Variants in CRYL1 observed in about 807,000 individuals in gnomAD.
CRYL1 encodes the protein crystallin lambda 1.
A neutral mutation model predicts 36.6 loss-of-function variants in CRYL1; 29 were observed. That is an observed-to-expected ratio of 0.79 (90% CI 0.59 to 1.08). The LOEUF (loss-of-function observed/expected upper bound fraction) is 1.08. Among genes scored for constraint, CRYL1 ranks in the 50% least tolerant of loss-of-function variants. The pLI is 0.00. For synonymous variants in CRYL1, 152 were observed against 151.5 expected (o/e 1.00, Z -0.02); for missense variants, 411 against 407.9 (o/e 1.01, Z -0.06).
At chr13:20,514,539 T>C (rs1044814675) in intron 1 of CRYL1, among the ~76,000 whole-genome samples, 1 of 152,142 alleles carries the variant, frequency 6.6e-6, no homozygotes, top group African/African-American at 2.4e-5. Flanking sequence ...TTATTGTAAT[T>C]TGGTATCCTA....
At chr13:20,460,900 T>C (rs2032803831) in intron 3 of CRYL1, among the ~76,000 whole-genome samples, 2 of 152,168 alleles carry the variant, frequency 1.3e-5, no homozygotes, top group African/African-American at 4.8e-5. Flanking sequence ...AGAATGTATA[T>C]AGTAAGTGCA....
At position 20,497,849 on chromosome 13, in the gene CRYL1, A is replaced by G. The variant is rs1391657794; in HGVS notation, c.150-8353T>C. Among the ~76,000 whole-genome samples, 12 of 151,904 alleles carry G rather than the reference A, an allele frequency of 7.9e-5. No homozygotes were observed. In the East Asian group the frequency reaches 2.3e-3, roughly 29 times the overall value. Reference sequence around the variant, plus strand: ...ACCACCATACATACACCACATACACACAACTACACACACCATATATACACA... The same window carrying G: ...ACCACCATACATACACCACATACACGCAACTACACACACCATATATACACA... On this transcript the variant is annotated intron_variant, in intron 2 of 7. Transcript: ENST00000298248.
At chr13:20,427,890 CTTT>C (rs1460592999) in intron 5 of CRYL1, among the ~76,000 whole-genome samples, 1 of 152,044 alleles carries the variant, frequency 6.6e-6, no homozygotes, top group African/African-American at 2.4e-5. Context: ...CTACCGAGAA[CTTT>C]ATGCTCTTAA....
intron 1 of CRYL1, 143 bp from the exon 2 acceptor site, chr13:20,512,693 C>G: frequency 1.7e-6 from 1 of 595,542 alleles, no homozygotes; most frequent in Non-Finnish European, 2.9e-6. Context: ...CACATTTTAG[C>G]CGGGCACAGA....
intron 3 of CRYL1, among the ~76,000 whole-genome samples, chr13:20,469,837 G>A (rs770210883): frequency 6.6e-6 from 1 of 152,218 alleles, no homozygotes; most frequent in Admixed American, 6.5e-5. Flanking sequence ...TGCTGGCAAA[G>A]CACTGGGCTC....
chr13:20,458,818 T>G (rs1282409178), intron 3 of CRYL1, among the ~76,000 whole-genome samples: 1 of 152,186 alleles, frequency 6.6e-6, no homozygotes, highest in East Asian at 1.9e-4. Flanking sequence ...GCTACATCCA[T>G]CTGACCAGCA....
intron 5 of CRYL1, among the ~76,000 whole-genome samples, chr13:20,429,791 G>A (rs1422975177): frequency 1.3e-5 from 2 of 152,156 alleles, no homozygotes; most frequent in African/African-American, 4.8e-5. Flanking sequence ...GGCTCCCCTA[G>A]CGCCCTGAAC....
chr13:20,423,770 CTTTTTTTTTTT>C (rs1158080893), intron 5 of CRYL1, among the ~76,000 whole-genome samples: 1 of 100,156 alleles, frequency 1.0e-5, no homozygotes, highest in Non-Finnish European at 2.0e-5. Flanking sequence ...GGTGTGGGTT[CTTTTTTTTTTT>C]TTTTTTTGAG....
chr13:20,431,939 C>T (rs1565961797), intron 5 of CRYL1, 163 bp downstream of exon 5: 3 of 1,535,830 alleles, frequency 2.0e-6, no homozygotes, highest in Admixed American at 2.0e-5. Flanking sequence ...CTAAAGCTGG[C>T]CCTTGGTCTC....
At chr13:20,523,753 A>G (rs2034138140) in intron 1 of CRYL1, among the ~76,000 whole-genome samples, 1 of 152,042 alleles carries the variant, frequency 6.6e-6, no homozygotes. Context: ...AAACAAAGAA[A>G]CAAGCAGAGG....
At chr13:20,461,771 A>T (rs1336801692) in intron 3 of CRYL1, among the ~76,000 whole-genome samples, 1 of 151,576 alleles carries the variant, frequency 6.6e-6, no homozygotes, top group Non-Finnish European at 1.5e-5. Flanking sequence ...AGAAAGAAAC[A>T]CTCTTGAGAC....
chr13:20,465,726 A>C (rs910504861), intron 3 of CRYL1, among the ~76,000 whole-genome samples: 1 of 152,094 alleles, frequency 6.6e-6, no homozygotes, highest in African/African-American at 2.4e-5. Flanking sequence ...AGCCATAGAG[A>C]GTTTACCAGA....
At chr13:20,461,598 C>T (rs117614370) in intron 3 of CRYL1, among the ~76,000 whole-genome samples, 5,012 of 152,196 alleles carry the variant, frequency 0.033, 117 homozygotes, top group Middle Eastern at 0.075. Context: ...GCCACGGTCT[C>T]ACCTCCAGCA....
At chr13:20,431,305 T>A (rs1208774732) in intron 5 of CRYL1, 6 of 985,166 alleles carry the variant, frequency 6.1e-6, no homozygotes, top group Non-Finnish European at 7.2e-6. Context: ...CCGAGCAGCG[T>A]CCTCCCTACG....
At chr13:20,524,355 G>A (rs920179091) in intron 1 of CRYL1, among the ~76,000 whole-genome samples, 2 of 151,976 alleles carry the variant, frequency 1.3e-5, no homozygotes, top group African/African-American at 4.8e-5. Flanking sequence ...CAAGACAGAG[G>A]TAACTACCAC....
chr13:20,507,570 T>C (rs899653049), intron 2 of CRYL1, among the ~76,000 whole-genome samples: 1 of 152,164 alleles, frequency 6.6e-6, no homozygotes, highest in Non-Finnish European at 1.5e-5. Context: ...GAAGCTAATG[T>C]CTCTCAGCTC....
chr13:20,413,241 C>T, intron 6 of CRYL1, 41 bp downstream of exon 6: 1 of 1,383,126 alleles, frequency 7.2e-7, no homozygotes, highest in South Asian at 1.2e-5. Flanking sequence ...CATGACAACA[C>T]TAAATAGAAT....
chr13:20,431,109 G>A (rs927744837), intron 5 of CRYL1: 8 of 985,404 alleles, frequency 8.1e-6, no homozygotes, highest in Middle Eastern at 5.2e-4. Context: ...AGAGAAGCAG[G>A]CCGCGGGAGG....
At chr13:20,411,337 G>A (rs1199358621) in intron 6 of CRYL1, among the ~76,000 whole-genome samples, 1 of 152,070 alleles carries the variant, frequency 6.6e-6, no homozygotes, top group Non-Finnish European at 1.5e-5. Context: ...AAATTGTTAT[G>A]GGCCTCCTTC....
Sources: gnomAD v4.1 joint callset for allele counts (sites outside exome capture counted in the v4.1 genomes callset) on GRCh38, gnomAD v4.1.1 for gene constraint, MANE v1.5 for transcripts, NCBI Gene and HGNC (gene_info 2026-07-23, HGNC 2026-07-21) for gene names.